CFAP47: variants seen among roughly 807,000 people sequenced by gnomAD.
CFAP47 encodes the protein cilia and flagella associated protein 47, also known as cilia- and flagella-associated protein 47.
In CFAP47, 29 loss-of-function variants were observed where a neutral mutation model predicts 148.1. That is an observed-to-expected ratio of 0.20 (90% CI 0.15 to 0.27). CFAP47 has a LOEUF of 0.27. CFAP47 is among the 10% of genes least tolerant of loss of function. The pLI, the probability that CFAP47 is intolerant of heterozygous loss-of-function variation, is 1.00. For synonymous variants in CFAP47, 664 were observed against 577.3 expected, an observed-to-expected ratio of 1.15 and a Z score of -2.15; for missense variants, 1,872 against 1,697.5, an observed-to-expected ratio of 1.10 and a Z score of -1.81.
chrX:35,939,283 T>A (rs113307216), intron 2 of CFAP47, among the ~76,000 whole-genome samples: 107 of 110,346 alleles, frequency 9.7e-4, no homozygotes, highest in African/African-American at 2.2e-3. Context: ...TTATTTTTTT[T>A]AAATTTAATT....
chrX:35,950,707 G>A (rs1184135411), intron 4 of CFAP47, among the ~76,000 whole-genome samples: 2 of 111,270 alleles, frequency 1.8e-5, no homozygotes, highest in Admixed American at 1.9e-4. Flanking sequence ...TAGATTGTAA[G>A]GAATTGAGGT....
At chrX:36,065,850 G>T (rs186241657) in intron 27 of CFAP47, 107 bp downstream of exon 27, 5 of 438,570 alleles carry the variant, frequency 1.1e-5, no homozygotes, top group Admixed American at 8.3e-5. Context: ...TTAAACAGCT[G>T]CCTCTGATAG....
intron 62 of CFAP47, among the ~76,000 whole-genome samples, chrX:36,371,910 GTGTGTATATATGTGTATATACACACA>G (rs1569329823): frequency 2.6e-5 from 2 of 75,598 alleles, no homozygotes; most frequent in African/African-American, 7.3e-5. Flanking sequence ...GTGTATATAT[GTGTGTATATATGTGTATATACACACA>G]TGTGTATATG....
At chrX:35,971,138 C>T (rs1936484551) in intron 11 of CFAP47, among the ~76,000 whole-genome samples, 1 of 112,258 alleles carries the variant, frequency 8.9e-6, no homozygotes, top group South Asian at 3.6e-4. Flanking sequence ...AGAAGCAGAT[C>T]TTGAGACAGG....
chrX:36,064,150 G>T (rs1471476464), intron 26 of CFAP47, among the ~76,000 whole-genome samples: 1 of 112,268 alleles, frequency 8.9e-6, no homozygotes, highest in Non-Finnish European at 1.9e-5. Context: ...AAAATTATTG[G>T]TTAAATATAG....
chrX:36,254,501 A>T (rs1940728020), intron 49 of CFAP47, among the ~76,000 whole-genome samples: 1 of 110,958 alleles, frequency 9.0e-6, no homozygotes, highest in South Asian at 3.9e-4. Context: ...TAATATAAAA[A>T]ACAGACAGGA....
chrX:35,935,570 C>CTTT (rs200513683), intron 2 of CFAP47, among the ~76,000 whole-genome samples: 27 of 89,421 alleles, frequency 3.0e-4, no homozygotes, highest in African/African-American at 9.3e-4. Flanking sequence ...TACGAAGTTG[C>CTTT]TTTTTTTTTT....
intron 21 of CFAP47, among the ~76,000 whole-genome samples, chrX:36,009,269 A>C (rs909583525): frequency 9.0e-6 from 1 of 110,763 alleles, no homozygotes; most frequent in East Asian, 2.8e-4. Flanking sequence ...AAATAAAATA[A>C]TAGCCTAAAA....
chrX:36,239,504 C>G (rs1555995583), intron 48 of CFAP47, among the ~76,000 whole-genome samples: 1 of 111,801 alleles, frequency 8.9e-6, no homozygotes, highest in Non-Finnish European at 1.9e-5. Context: ...ACTATTTGAC[C>G]TTTTTCCAAG....
rs185525872 is a variant in CFAP47 at position 35,932,485 on chromosome X, C to T, written c.401+6317C>T. ...CAGGCTGGTCTGAAACTTTTGGGCT[C>T]AAGCAATCCTCCCACCTTGGCCTCC... is the stretch of plus-strand genomic sequence containing the variant. On this transcript the variant is annotated intron_variant, in intron 2 of 63. Coordinates refer to ENST00000378653, the MANE Select transcript of CFAP47 (RefSeq NM_001304548.2). Among the ~76,000 whole-genome samples the T allele has an allele frequency of 7.5e-4, 82 of 109,391 alleles. 1 individual carries two copies. Among genetic ancestry groups the T allele is most frequent in the African/African-American group, 2.7e-3 (80 of 30,052 alleles). The allele number at this position is 109,391 out of a possible 115,157, so 95.0% of individuals were successfully genotyped here. A position where few individuals can be genotyped will look rare whatever the true frequency, so the allele number is the denominator to read the frequency against.
chrX:36,022,730 T>G (rs140907443), intron 22 of CFAP47, among the ~76,000 whole-genome samples: 1,811 of 111,152 alleles, frequency 0.016, 45 homozygotes, highest in African/African-American at 0.056. Flanking sequence ...TCACTGGTTC[T>G]TTATTCTGCT....
At chrX:36,256,568 G>A (rs895313094) in intron 49 of CFAP47, among the ~76,000 whole-genome samples, 65 of 111,494 alleles carry the variant, frequency 5.8e-4, no homozygotes, top group African/African-American at 2.1e-3. Context: ...GTATGAAGAC[G>A]TCATCAATCA....
At chrX:36,039,902 T>A (rs1233281117) in intron 25 of CFAP47, among the ~76,000 whole-genome samples, 2 of 112,122 alleles carry the variant, frequency 1.8e-5, no homozygotes, top group African/African-American at 6.5e-5. Context: ...AATTTCCCTC[T>A]TGCTTTATTC....
chrX:36,297,320 T>C (rs1941252311), intron 51 of CFAP47, among the ~76,000 whole-genome samples: 1 of 111,991 alleles, frequency 8.9e-6, no homozygotes, highest in African/African-American at 3.2e-5. Flanking sequence ...CTTGAAGATA[T>C]GTTCCCAGAA....
At chrX:36,226,348 T>C (rs782566966) in intron 45 of CFAP47, among the ~76,000 whole-genome samples, 2 of 111,956 alleles carry the variant, frequency 1.8e-5, no homozygotes, top group Non-Finnish European at 3.8e-5. Context: ...TGGCACAATG[T>C]GTCCAGTAAA....
chrX:36,008,797 A>T lies in CFAP47; in HGVS notation c.3418-5977A>T, dbSNP rs547387993. 1.4e-4 allele frequency among the ~76,000 whole-genome samples: 16 copies of T among 110,910 alleles called. No homozygotes were observed. The South Asian group carries it at 5.3e-3, about 37-fold the overall frequency. On this transcript the variant is annotated intron_variant, in intron 21 of 63. Transcript: ENST00000378653. ...AAGAATAAATAAATAAATAAATAAA[A>T]TAAATAATTTTAAAAAGCCTGCTTC...
intron 48 of CFAP47, among the ~76,000 whole-genome samples, chrX:36,245,866 T>A (rs145373452): frequency 5.5e-4 from 61 of 111,756 alleles, no homozygotes; most frequent in Non-Finnish European, 8.7e-4. Context: ...TCTATCCATA[T>A]GCAGAAGAAT....
intron 1 of CFAP47, among the ~76,000 whole-genome samples, chrX:35,924,240 T>C (rs903321151): frequency 1.3e-4 from 12 of 91,214 alleles, no homozygotes; most frequent in East Asian, 1.0e-3. Context: ...TATGGACATG[T>C]ATGTGTGCAT....
At chrX:36,137,026 C>T (rs1939057002) in intron 33 of CFAP47, among the ~76,000 whole-genome samples, 1 of 111,217 alleles carries the variant, frequency 9.0e-6, no homozygotes, top group East Asian at 2.8e-4. Flanking sequence ...TGGACATTGT[C>T]TGTGAAGTGT....
Sources: allele counts gnomAD v4.1 joint callset (sites outside exome capture counted in the v4.1 genomes callset), GRCh38; gene constraint gnomAD v4.1.1; transcripts MANE v1.5; gene names NCBI Gene and HGNC (gene_info 2026-07-23, HGNC 2026-07-21).